Variants in CD53 observed in about 807,000 individuals in gnomAD.
CD53 encodes the protein leukocyte surface antigen CD53.
A neutral mutation model predicts 27.3 loss-of-function variants in CD53; 20 were observed. The observed-to-expected ratio is 0.73, with a 90% CI of 0.52 to 1.07. CD53 has a LOEUF of 1.07. CD53 is among the 50% of genes least tolerant of loss of function. The pLI is 0.00. For missense variants in CD53, 216 were observed against 264.0 expected (o/e 0.82, Z 1.26); for synonymous variants, 106 against 105.3 (o/e 1.01, Z -0.04).
chr1:110,886,128 G>C (rs947727871), intron 1 of CD53, among the ~76,000 whole-genome samples: 1 of 151,984 alleles, frequency 6.6e-6, no homozygotes, highest in African/African-American at 2.4e-5. Flanking sequence ...ATTGGGTATA[G>C]ATTTTTAGTA....
intron 4 of CD53, 59 bp downstream of exon 4, chr1:110,894,460 G>A (rs1467443065): frequency 3.9e-6 from 5 of 1,287,024 alleles, no homozygotes; most frequent in Non-Finnish European, 5.7e-6. Context: ...GTATGCAGTG[G>A]AGAAGTTGGT....
intron 1 of CD53, among the ~76,000 whole-genome samples, chr1:110,877,281 T>G (rs1222481160): frequency 6.6e-6 from 1 of 152,212 alleles, no homozygotes; most frequent in African/African-American, 2.4e-5. Flanking sequence ...TTATTTAAAT[T>G]TTTGATAGGA....
upstream of CD53, among the ~76,000 whole-genome samples, chr1:110,872,314 A>G (rs533489958): frequency 6.6e-6 from 1 of 152,340 alleles, no homozygotes; most frequent in Admixed American, 6.5e-5. Context: ...CCTACCTCTG[A>G]CATGTCTTAG....
chr1:110,889,815 G>A lies in CD53; in HGVS notation c.-17-1577G>A, dbSNP rs139641673. 2.2e-4 allele frequency among the ~76,000 whole-genome samples: 34 copies of A among 152,188 alleles called. No homozygotes were observed. In the East Asian group the frequency reaches 5.2e-3, roughly 23 times the overall value. On this transcript the variant is annotated intron_variant, in intron 1 of 7. Coordinates refer to ENST00000271324, the MANE Select transcript of CD53 (RefSeq NM_000560.4). ...ATTCAAGTTTGACCCCAAAGCCTGG[G>A]TAGTAAATCATTACACTTTACTTCT... is the stretch of plus-strand genomic sequence containing the variant.
intron 1 of CD53, among the ~76,000 whole-genome samples, chr1:110,887,086 C>T (rs1268898067): frequency 7.8e-5 from 6 of 76,730 alleles, no homozygotes; most frequent in Non-Finnish European, 1.3e-4. Flanking sequence ...TATTTTGAGA[C>T]GGAGTCTCGC....
chr1:110,888,053 G>T (rs1313044030), intron 1 of CD53, among the ~76,000 whole-genome samples: 1 of 152,158 alleles, frequency 6.6e-6, no homozygotes, highest in Non-Finnish European at 1.5e-5. Context: ...AAAGCAAGAA[G>T]TTGCACGATG....
At chr1:110,871,416 T>A (rs1007672900), upstream of CD53, among the ~76,000 whole-genome samples, 4 of 152,064 alleles carry the variant, frequency 2.6e-5, 1 homozygote. Context: ...TGGTTTCTCA[T>A]GAACGTGGCT....
Position 110,894,329 on chromosome 1 carries a change from C to T in CD53, c.255C>T (p.Phe85=). The T allele has an allele frequency of 3.1e-6, 5 of 1,613,920 alleles. No individual in the cohort carries two copies. The highest frequency in any genetic ancestry group is 4.2e-6 in the Non-Finnish European group (5 of 1,179,822). Residue 85 remains phenylalanine, a splice_region_variant and synonymous_variant, in exon 4 of 8, where the codon TTC becomes TTT. Coordinates refer to ENST00000271324, the MANE Select transcript of CD53 (RefSeq NM_000560.4). ...AGAATGTATCTGCTTTGTCCCAGTT[C>T]TTCATCCTGCTGCTGATTATCCTCC... ...IKENKCLLMS[F]FILLLIILLA...
At chr1:110,897,753 C>A in intron 6 of CD53, 56 bp from the exon 7 acceptor site, 1 of 1,055,356 alleles carries the variant, frequency 9.5e-7, no homozygotes, top group Non-Finnish European at 1.5e-6. Flanking sequence ...CAAATACTTC[C>A]TCTTGATATG....
chr1:110,894,240 C>T, intron 3 of CD53, 87 bp from the exon 4 acceptor site: 1 of 1,161,872 alleles, frequency 8.6e-7, no homozygotes, highest in South Asian at 1.2e-5. Flanking sequence ...TGTACTCGTG[C>T]AAATGCCCCT....
At chr1:110,881,974 T>C (rs1656371478) in intron 1 of CD53, among the ~76,000 whole-genome samples, 6 of 152,232 alleles carry the variant, frequency 3.9e-5, no homozygotes, top group Admixed American at 3.9e-4. Flanking sequence ...GTTTATTTTC[T>C]TACCATTGAG....
At chr1:110,881,990 A>G (rs1164075523) in intron 1 of CD53, among the ~76,000 whole-genome samples, 1 of 152,168 alleles carries the variant, frequency 6.6e-6, no homozygotes, top group Non-Finnish European at 1.5e-5. Context: ...TTGAGCTTCA[A>G]GAGTTGTTTT....
At chr1:110,884,091 C>T (rs1281389363) in intron 1 of CD53, among the ~76,000 whole-genome samples, 1 of 151,958 alleles carries the variant, frequency 6.6e-6, no homozygotes, top group Admixed American at 6.6e-5. Context: ...TCTAGTTTCT[C>T]AAGATGCAAT....
intron 1 of CD53, among the ~76,000 whole-genome samples, chr1:110,881,559 CTA>C (rs1557814737): frequency 6.6e-6 from 1 of 152,184 alleles, no homozygotes; most frequent in South Asian, 2.1e-4. Flanking sequence ...TACTACAAAA[CTA>C]TGAACCTTCC....
chr1:110,877,724 G>A (rs1309439803), intron 1 of CD53, among the ~76,000 whole-genome samples: 1 of 152,166 alleles, frequency 6.6e-6, no homozygotes, highest in African/African-American at 2.4e-5. Context: ...ACAATTTTAG[G>A]AAGGAATAAG....
At chr1:110,880,054 C>T (rs6658287) in intron 1 of CD53, among the ~76,000 whole-genome samples, 38,948 of 152,130 alleles carry the variant, frequency 0.26, 5,472 homozygotes, top group Non-Finnish European at 0.32. Flanking sequence ...CCCTAACCTC[C>T]ATGTTGAGTT....
chr1:110,894,916 C>T (rs1570911695), intron 4 of CD53, 44 bp from the exon 5 acceptor site: 3 of 1,469,536 alleles, frequency 2.0e-6, no homozygotes, highest in East Asian at 2.3e-5. Flanking sequence ...CTTGAACTCA[C>T]CTGCTTTTTA....
chr1:110,898,872 T>C (rs1657182646), intron 7 of CD53, among the ~76,000 whole-genome samples: 1 of 152,142 alleles, frequency 6.6e-6, no homozygotes, highest in South Asian at 2.1e-4. Flanking sequence ...AAGGCTTCTG[T>C]GACTTCCTCA....
chr1:110,882,230 C>T (rs1019989145), intron 1 of CD53, among the ~76,000 whole-genome samples: 2 of 152,002 alleles, frequency 1.3e-5, no homozygotes, highest in African/African-American at 4.8e-5. Context: ...TTGGATTTTA[C>T]CTTTAGATCT....
Sources: allele counts gnomAD v4.1 joint callset (sites outside exome capture counted in the v4.1 genomes callset), GRCh38; gene constraint gnomAD v4.1.1; transcripts MANE v1.5; gene names NCBI Gene and HGNC (gene_info 2026-07-23, HGNC 2026-07-21).